Variants in PRKCE observed in about 807,000 individuals in gnomAD.
PRKCE encodes the protein protein kinase C epsilon type.
Under a neutral mutation model 85.4 loss-of-function variants are expected in PRKCE, and 16 were observed. The ratio of observed to expected loss-of-function variants is 0.19; its 90% CI spans 0.13 to 0.28. PRKCE has a LOEUF of 0.28. Among genes scored for constraint, PRKCE ranks in the 10% least tolerant of loss-of-function variants. The probability of loss-of-function intolerance (pLI) is 1.00; values close to 1 mark genes in which losing one functional copy is unlikely to be tolerated. For synonymous variants in PRKCE, 388 were observed against 371.5 expected (o/e 1.04, Z -0.51); for missense variants, 573 against 975.2 (o/e 0.59, Z 5.49).
intron 11 of PRKCE, among the ~76,000 whole-genome samples, chr2:46,136,643 C>G (rs1222891402): frequency 1.3e-5 from 2 of 152,178 alleles, no homozygotes; most frequent in Admixed American, 1.3e-4. Context: ...TGTGATAGCA[C>G]ACAGTGGCAG....
intron 1 of PRKCE, among the ~76,000 whole-genome samples, chr2:45,788,166 G>C (rs954696788): frequency 2.6e-5 from 4 of 152,202 alleles, no homozygotes; most frequent in African/African-American, 9.7e-5. Context: ...GATTCTCAGG[G>C]CATGGGTTGT....
At chr2:45,968,503 T>TG (rs1485486389) in intron 2 of PRKCE, among the ~76,000 whole-genome samples, 1 of 152,166 alleles carries the variant, frequency 6.6e-6, no homozygotes, top group African/African-American at 2.4e-5. Context: ...GAGGTGATGA[T>TG]GAAAAACTAC....
At chr2:45,965,172 T>G (rs1701652390) in intron 2 of PRKCE, among the ~76,000 whole-genome samples, 1 of 152,280 alleles carries the variant, frequency 6.6e-6, no homozygotes, top group African/African-American at 2.4e-5. Flanking sequence ...AATTAGTTGC[T>G]GTTTCCTCTT....
At chr2:46,059,197 A>T (rs1666885442) in intron 10 of PRKCE, among the ~76,000 whole-genome samples, 1 of 111,012 alleles carries the variant, frequency 9.0e-6, no homozygotes, top group Admixed American at 8.0e-5. Context: ...TTAAGGCTAC[A>T]GTGAGCCATG....
rs145224238 is a variant in PRKCE at position 45,861,050 on chromosome 2, G to A, written c.412+17987G>A. Among the ~76,000 whole-genome samples, 225 of 152,316 alleles carry A rather than the reference G, an allele frequency of 1.5e-3. 3 individuals are homozygous for A. In the East Asian group the frequency reaches 0.036, roughly 25 times the overall value. ...GATGATAGGGTGGGGGCAGAGGAAG[G>A]GCCTCGGTAGGGAGAGCAACGAGAA... On this transcript the variant is annotated intron_variant, in intron 2 of 14. Coordinates refer to ENST00000306156, the MANE Select transcript of PRKCE (RefSeq NM_005400.3).
intron 10 of PRKCE, among the ~76,000 whole-genome samples, chr2:46,080,226 A>G (rs1668941807): frequency 6.6e-6 from 1 of 152,208 alleles, no homozygotes; most frequent in African/African-American, 2.4e-5. Flanking sequence ...ACCCTGCATC[A>G]AAACATGCTT....
At chr2:46,144,314 A>G (rs1675856035) in intron 11 of PRKCE, among the ~76,000 whole-genome samples, 1 of 152,094 alleles carries the variant, frequency 6.6e-6, no homozygotes, top group Admixed American at 6.5e-5. Context: ...TGATCTTACA[A>G]ATGCATTGTG....
intron 1 of PRKCE, among the ~76,000 whole-genome samples, chr2:45,726,610 C>T (rs772377908): frequency 2.0e-5 from 3 of 152,160 alleles, no homozygotes; most frequent in Non-Finnish European, 2.9e-5. Flanking sequence ...TTTACGTACA[C>T]TGGGAAACAA....
At chr2:46,110,736 G>C (rs1164367176) in intron 11 of PRKCE, among the ~76,000 whole-genome samples, 1 of 151,474 alleles carries the variant, frequency 6.6e-6, no homozygotes, top group Non-Finnish European at 1.5e-5. Context: ...TTCTGCCTTA[G>C]GTTTAAATTG....
At chr2:46,083,116 T>A (rs1396219632) in intron 10 of PRKCE, among the ~76,000 whole-genome samples, 2 of 152,170 alleles carry the variant, frequency 1.3e-5, no homozygotes, top group Non-Finnish European at 2.9e-5. Context: ...CATGCCCAGC[T>A]AATTTTGTAT....
rs1021676047 is a variant in PRKCE, at chr2:45,917,957, G to A, written c.413-58472G>A. Among the ~76,000 whole-genome samples the A allele has an allele frequency of 5.3e-5, 8 of 152,316 alleles. No homozygotes were observed. The East Asian group carries it at 1.5e-3, about 29-fold the overall frequency. Reference sequence around the variant, plus strand: ...CCCAGGGCTGGCAGGGCCGGCGGCCGGCTGCTCCGAGTGCGGGGCCCGCCA... The same window carrying A: ...CCCAGGGCTGGCAGGGCCGGCGGCCAGCTGCTCCGAGTGCGGGGCCCGCCA... On this transcript the variant is annotated intron_variant, in intron 2 of 14. Coordinates refer to ENST00000306156, the MANE Select transcript of PRKCE (RefSeq NM_005400.3).
intron 10 of PRKCE, among the ~76,000 whole-genome samples, chr2:46,025,615 C>A (rs192413595): frequency 2.3e-4 from 35 of 152,318 alleles, no homozygotes; most frequent in Non-Finnish European, 3.8e-4. Flanking sequence ...TGCTCCCTCT[C>A]TCTCCCTTGC....
At chr2:45,879,306 C>G (rs1281316603) in intron 2 of PRKCE, among the ~76,000 whole-genome samples, 1 of 152,216 alleles carries the variant, frequency 6.6e-6, no homozygotes, top group African/African-American at 2.4e-5. Context: ...TACTCCATCC[C>G]CTTTCCCGCT....
At chr2:45,672,013 T>A (rs1019303764) in intron 1 of PRKCE, among the ~76,000 whole-genome samples, 6 of 140,570 alleles carry the variant, frequency 4.3e-5, no homozygotes, top group African/African-American at 1.6e-4. Flanking sequence ...CAATGAGCCA[T>A]GATTATGCCA....
chr2:45,652,290 G>A lies in PRKCE; in HGVS notation c.190G>A (p.Ala64Thr), dbSNP rs1383451769. The part of the protein sequence containing the change: ...TATKQKTNSP[A>T]WHDEFVTDVC... ...CACCAAGCAGAAGACCAACAGCCCGGCCTGGCACGACGAGTTCGTCACCGA... is the reference window on the plus strand; with the variant it reads ...CACCAAGCAGAAGACCAACAGCCCGACCTGGCACGACGAGTTCGTCACCGA... The change falls in exon 1 of 15, where the codon GCC (alanine) becomes ACC (threonine). Residue 64 changes from alanine to threonine, a missense_variant. Around this residue, in one of 11 missense-constraint regions of PRKCE, gnomAD observed 100 missense variants for 177.1 expected, o/e 0.56. Coordinates refer to ENST00000306156, the MANE Select transcript of PRKCE (RefSeq NM_005400.3). This position sits in a 1 kb window ranked among gnomAD's most constrained non-coding sequence, Gnocchi z 7.7. 1.2e-6 allele frequency: 2 copies of A among 1,613,504 alleles called. No individual in the cohort carries two copies. Among genetic ancestry groups the A allele is most frequent in the East Asian group, 2.2e-5 (1 of 44,804 alleles).
chr2:46,100,659 C>G (rs1252178497), intron 11 of PRKCE, among the ~76,000 whole-genome samples: 1 of 152,176 alleles, frequency 6.6e-6, no homozygotes. Context: ...GTACTTTTGT[C>G]TGGGGAAGCA....
At chr2:45,680,817 A>G (rs987639903) in intron 1 of PRKCE, among the ~76,000 whole-genome samples, 3 of 152,252 alleles carry the variant, frequency 2.0e-5, no homozygotes, top group East Asian at 1.9e-4. Flanking sequence ...AGATGAACAC[A>G]TGTAAAACAA....
intron 10 of PRKCE, among the ~76,000 whole-genome samples, chr2:46,042,255 T>C (rs1322907081): frequency 2.6e-5 from 4 of 152,106 alleles, no homozygotes; most frequent in African/African-American, 9.7e-5. Flanking sequence ...ACACAGTCTG[T>C]CTGGGTGAGT....
At chr2:46,092,755 C>T (rs1185995623) in intron 11 of PRKCE, among the ~76,000 whole-genome samples, 5 of 152,066 alleles carry the variant, frequency 3.3e-5, no homozygotes, top group Non-Finnish European at 7.3e-5. Context: ...AAAATGCATA[C>T]GAAGTTGTGA....
Sources: allele counts gnomAD v4.1 joint callset (sites outside exome capture counted in the v4.1 genomes callset), GRCh38; gene constraint gnomAD v4.1.1; regional missense constraint gnomAD v4.1.1; non-coding constraint Gnocchi (gnomAD v3.1); transcripts MANE v1.5; gene names NCBI Gene and HGNC (gene_info 2026-07-23, HGNC 2026-07-21).